Variants in SWT1 observed in about 807,000 individuals in gnomAD.
SWT1 encodes SWT1 RNA endoribonuclease homolog, also known as transcriptional protein SWT1.
SWT1 carries 33 observed loss-of-function variants against 107.3 expected under a neutral mutation model. The observed-to-expected ratio is 0.31, with a 90% CI of 0.23 to 0.41. SWT1 has a LOEUF of 0.41. Among genes scored for constraint, SWT1 ranks in the 10% least tolerant of loss-of-function variants. The pLI is 1.00. For missense variants in SWT1, 898 were observed against 1,028.9 expected, an observed-to-expected ratio of 0.87 and a Z score of 1.74; for synonymous variants, 345 against 348.3, an observed-to-expected ratio of 0.99 and a Z score of 0.11.
chr1:185,220,262 A>G, intron 14 of SWT1, among the ~76,000 whole-genome samples: 1 of 133,000 alleles, frequency 7.5e-6, no homozygotes, highest in East Asian at 2.1e-4. Flanking sequence ...TTTTTTTGCC[A>G]ACTGCACAAG....
intron 16 of SWT1, among the ~76,000 whole-genome samples, chr1:185,268,997 C>T (rs928665440): frequency 6.6e-6 from 1 of 151,368 alleles, no homozygotes; most frequent in African/African-American, 2.4e-5. Context: ...GGACTACAGG[C>T]GCCCGCCACT....
Position 185,231,678 on chromosome 1 carries a change from C to T in SWT1, c.2411C>T (p.Ala804Val). ...AFICLQKLMA[A>V]VRDILEGIQR... ...ATATGTCTTCAAAAGTTAATGGCAG[C>T]TGTGAGGGATATTCTTGAAGGAATT... Residue 804 changes from alanine (A) to valine (V), a missense_variant, in exon 16 of 19, where the codon GCT (alanine) becomes GTT (valine). By Grantham distance (64) the Ala-to-Val change is moderately conservative. Around this residue, in one of 6 missense-constraint regions of SWT1, gnomAD observed 382 missense variants for 460.0 expected, o/e 0.83. Transcript: ENST00000367500. 6.2e-7 allele frequency: 1 copy of T among 1,606,234 alleles called. No individual in the cohort carries two copies. Among genetic ancestry groups the T allele is most frequent in the East Asian group, 2.2e-5 (1 of 44,692 alleles).
intron 18 of SWT1, among the ~76,000 whole-genome samples, chr1:185,280,057 T>C (rs1664520407): frequency 6.6e-6 from 1 of 152,148 alleles, no homozygotes; most frequent in Non-Finnish European, 1.5e-5. Flanking sequence ...CATCTTGAAT[T>C]GTAATCCCTA....
At chr1:185,184,094 A>T in intron 7 of SWT1, 149 bp from the exon 8 acceptor site, 1 of 528,636 alleles carries the variant, frequency 1.9e-6, no homozygotes, top group South Asian at 2.7e-5. Context: ...TTGAGAGTCT[A>T]GCCAACTGTG....
At chr1:185,198,938 AT>A (rs58426812) in intron 10 of SWT1, among the ~76,000 whole-genome samples, 2,683 of 129,858 alleles carry the variant, frequency 0.021, 17 homozygotes, top group South Asian at 0.038. Context: ...GCTCGTTTAC[AT>A]TTTTTTTTTT....
intron 9 of SWT1, among the ~76,000 whole-genome samples, chr1:185,188,072 C>T (rs1243348650): frequency 1.3e-5 from 2 of 152,174 alleles, no homozygotes; most frequent in African/African-American, 2.4e-5. Context: ...ACTTTATATA[C>T]ATTTTCATTT....
At chr1:185,238,476 G>C (rs1016332926) in intron 16 of SWT1, among the ~76,000 whole-genome samples, 11 of 152,190 alleles carry the variant, frequency 7.2e-5, no homozygotes, top group African/African-American at 2.7e-4. Flanking sequence ...TTTTATCCCA[G>C]ACTAACTTAA....
At chr1:185,269,942 A>T (rs766698750) in intron 16 of SWT1, among the ~76,000 whole-genome samples, 1 of 152,226 alleles carries the variant, frequency 6.6e-6, no homozygotes, top group Non-Finnish European at 1.5e-5. Context: ...TCAATTTACG[A>T]TGGGTTTATC....
At chr1:185,222,854 T>C (rs1413799622) in intron 15 of SWT1, among the ~76,000 whole-genome samples, 1 of 151,550 alleles carries the variant, frequency 6.6e-6, no homozygotes, top group Admixed American at 6.6e-5. Flanking sequence ...GTCACCCTAC[T>C]ATGCAATAGA....
intron 16 of SWT1, among the ~76,000 whole-genome samples, chr1:185,259,498 A>G (rs540929559): frequency 6.6e-6 from 1 of 152,288 alleles, no homozygotes; most frequent in South Asian, 2.1e-4. Context: ...CAATAATCAG[A>G]TTTGAACAAA....
chr1:185,248,475 G>A (rs1049006104), intron 16 of SWT1, among the ~76,000 whole-genome samples: 1 of 152,102 alleles, frequency 6.6e-6, no homozygotes, highest in Non-Finnish European at 1.5e-5. Flanking sequence ...AATTTAGTAT[G>A]TTAATTATTC....
At chr1:185,270,519 T>C (rs892549990) in intron 16 of SWT1, among the ~76,000 whole-genome samples, 3 of 151,920 alleles carry the variant, frequency 2.0e-5, no homozygotes, top group African/African-American at 7.3e-5. Flanking sequence ...CTGGGCAACA[T>C]GGGGAGACCT....
intron 13 of SWT1, among the ~76,000 whole-genome samples, chr1:185,212,325 A>G (rs1481870325): frequency 1.3e-5 from 2 of 152,166 alleles, no homozygotes; most frequent in Admixed American, 6.6e-5. Flanking sequence ...TCTCAAAGTT[A>G]GTGTAAAAAA....
At chr1:185,227,475 G>T (rs1393747549) in intron 15 of SWT1, 7 of 583,404 alleles carry the variant, frequency 1.2e-5, no homozygotes. Context: ...ATGCTGTGCA[G>T]ACTATCATAT....
intron 9 of SWT1, among the ~76,000 whole-genome samples, chr1:185,185,288 T>C (rs770692941): frequency 4.6e-5 from 7 of 152,204 alleles, no homozygotes; most frequent in Non-Finnish European, 8.8e-5. Context: ...ATGCAGTTAA[T>C]GTACTGTGGA....
At chr1:185,183,914 C>T (rs1406461713) in intron 7 of SWT1, among the ~76,000 whole-genome samples, 2 of 152,178 alleles carry the variant, frequency 1.3e-5, no homozygotes, top group African/African-American at 4.8e-5. Context: ...CCCCAGGTTT[C>T]CCGTGTATTT....
intron 18 of SWT1, chr1:185,281,398 G>A (rs1003271239): frequency 2.1e-5 from 5 of 233,744 alleles, no homozygotes; most frequent in Non-Finnish European, 4.3e-5. Context: ...GAGGAAGTCA[G>A]AGTCAAACAC....
chr1:185,159,989 A>T (rs558865188), intron 1 of SWT1, among the ~76,000 whole-genome samples: 1 of 152,060 alleles, frequency 6.6e-6, no homozygotes, highest in Non-Finnish European at 1.5e-5. Context: ...CTCCCAAAGT[A>T]TTGGGATTAC....
rs200411078 is a variant in SWT1, at chr1:185,181,977, G to A, written c.1058G>A (p.Arg353His). Residue 353 changes from arginine (R) to histidine (H), a missense_variant, in exon 7 of 19, where the codon CGT becomes CAT. Coordinates refer to ENST00000367500, the MANE Select transcript of SWT1 (RefSeq NM_017673.7). ...ATAGTAGAAGAGCTTCATGCTGCAC[G>A]TGTGGGAAAAAGTGTGGATTTACCT... ...MQIVEELHAA[R>H]VGKSVDLPGE... is the part of the protein sequence containing the mutation. 229 of 1,613,734 alleles carry A rather than the reference G, an allele frequency of 1.4e-4. No homozygotes were observed. The highest frequency in any genetic ancestry group is 1.8e-4 in the Non-Finnish European group (207 of 1,179,896).
Sources: allele counts gnomAD v4.1 joint callset (sites outside exome capture counted in the v4.1 genomes callset), GRCh38; gene constraint gnomAD v4.1.1; regional missense constraint gnomAD v4.1.1; transcripts MANE v1.5; gene names NCBI Gene and HGNC (gene_info 2026-07-23, HGNC 2026-07-21).